Variants in GRM1 observed in about 807,000 individuals in gnomAD.
GRM1 encodes glutamate metabotropic receptor 1, also known as metabotropic glutamate receptor 1.
GRM1 carries 33 observed loss-of-function variants against 90.9 expected under a neutral mutation model. The observed-to-expected ratio is 0.36, with a 90% CI of 0.28 to 0.49. GRM1 has a LOEUF of 0.49. Ranked by LOEUF, GRM1 falls within the 20% of genes least tolerant of loss-of-function variation. The pLI is 0.99. For synonymous variants in GRM1, 700 were observed against 613.2 expected, an observed-to-expected ratio of 1.14 and a Z score of -2.09; for missense variants, 1,190 against 1,534.3, an observed-to-expected ratio of 0.78 and a Z score of 3.75.
intron 1 of GRM1, among the ~76,000 whole-genome samples, chr6:146,102,525 A>G (rs951710092): frequency 6.6e-6 from 1 of 152,188 alleles, no homozygotes; most frequent in African/African-American, 2.4e-5. Context: ...AACTGTTTTT[A>G]TCATGCCAGC....
At position 146,106,243 on chromosome 6, in the gene GRM1, C is replaced by T. The variant is rs147188347; in HGVS notation, c.701-53105C>T. Among the ~76,000 whole-genome samples, 116 of 152,262 alleles carry T rather than the reference C, an allele frequency of 7.6e-4. 2 individuals are homozygous for T. Among genetic ancestry groups the T allele is most frequent in the Admixed American group, 6.1e-3 (93 of 15,296 alleles). ...TTCTCTTTAAATGCAACTCATAATA[C>T]AGGCTTAAATCCTGATATAGAAGGT... On this transcript the variant is annotated intron_variant, in intron 1 of 7. Transcript: ENST00000282753.
chr6:146,323,535 G>C (rs1784283263), intron 3 of GRM1, among the ~76,000 whole-genome samples: 1 of 152,088 alleles, frequency 6.6e-6, no homozygotes, highest in African/African-American at 2.4e-5. Flanking sequence ...CTCCCATTCT[G>C]TAGGTTGCCT....
intron 1 of GRM1, among the ~76,000 whole-genome samples, chr6:146,048,925 A>C (rs922621815): frequency 6.6e-6 from 1 of 151,918 alleles, no homozygotes; most frequent in African/African-American, 2.4e-5. Flanking sequence ...TGAGAGAATA[A>C]ATTTTTGTTG....
At chr6:146,270,912 T>TCTTTCTTCCTTCCTTC (rs1782121052) in intron 2 of GRM1, among the ~76,000 whole-genome samples, 2 of 86,860 alleles carry the variant, frequency 2.3e-5, no homozygotes, top group African/African-American at 5.6e-5. Flanking sequence ...TTTCTTTCTT[T>TCTTTCTTCCTTCCTTC]CTTCCTTCCT....
chr6:146,409,581 T>G (rs914159570), intron 7 of GRM1, among the ~76,000 whole-genome samples: 2 of 152,240 alleles, frequency 1.3e-5, no homozygotes, highest in Non-Finnish European at 2.9e-5. Context: ...TTGTTTTGCT[T>G]TGCTTTGTCT....
rs927725513 is a variant in GRM1 at position 146,257,308 on chromosome 6, A to C, written c.951-47303A>C. Among the ~76,000 whole-genome samples the C allele has an allele frequency of 2.0e-5, 3 of 152,238 alleles. No individual in the cohort carries two copies. The East Asian group carries it at 5.8e-4, about 29-fold the overall frequency. On this transcript the variant is annotated intron_variant, in intron 2 of 7. Coordinates refer to ENST00000282753, the MANE Select transcript of GRM1 (RefSeq NM_001278064.2). The stretch of plus-strand genomic sequence containing the variant: ...ACAGGAAATACAGCCTCTTGTTTTT[A>C]AGCCCCATAGTGGCTGTGTAGCATT...
intron 2 of GRM1, among the ~76,000 whole-genome samples, chr6:146,294,092 T>C (rs960726369): frequency 6.6e-6 from 1 of 151,722 alleles, no homozygotes. Flanking sequence ...ATTACATCTT[T>C]CCCCCAATTT....
chr6:146,270,908 T>TTCCTTCCTTCCTTC (rs1782118957), intron 2 of GRM1, among the ~76,000 whole-genome samples: 2 of 104,392 alleles, frequency 1.9e-5, no homozygotes, highest in African/African-American at 9.8e-5. Flanking sequence ...TTTCTTTCTT[T>TTCCTTCCTTCCTTC]CTTTCTTCCT....
chr6:146,053,024 A>T (rs1247213218), intron 1 of GRM1, among the ~76,000 whole-genome samples: 1 of 152,016 alleles, frequency 6.6e-6, no homozygotes, highest in Non-Finnish European at 1.5e-5. Context: ...GACATTGCTA[A>T]TTGACCTACG....
intron 2 of GRM1, among the ~76,000 whole-genome samples, chr6:146,270,849 T>TTTCTTTC (rs1782095570): frequency 1.1e-5 from 1 of 91,690 alleles, no homozygotes; most frequent in African/African-American, 4.7e-5. Context: ...CTTTCTTTCT[T>TTTCTTTC]TTTCTTTCTT....
chr6:146,410,907 AC>A (rs1306159872), intron 7 of GRM1, among the ~76,000 whole-genome samples: 19 of 152,316 alleles, frequency 1.2e-4, no homozygotes, highest in African/African-American at 4.6e-4. Flanking sequence ...GTATAAAATC[AC>A]TTTTGCTAGG....
chr6:146,224,221 T>C (rs1189732358), intron 2 of GRM1, among the ~76,000 whole-genome samples: 2 of 152,134 alleles, frequency 1.3e-5, no homozygotes, highest in Non-Finnish European at 2.9e-5. Context: ...TCAGAAAATA[T>C]CCATTAAATA....
At chr6:146,393,907 C>T (rs1219543438) in intron 6 of GRM1, among the ~76,000 whole-genome samples, 1 of 152,006 alleles carries the variant, frequency 6.6e-6, no homozygotes, top group Admixed American at 6.6e-5. Flanking sequence ...GGTACTGGTA[C>T]CAAGCAGATA....
At chr6:146,367,575 A>C (rs1235248673) in intron 5 of GRM1, among the ~76,000 whole-genome samples, 1 of 152,026 alleles carries the variant, frequency 6.6e-6, no homozygotes, top group African/African-American at 2.4e-5. Context: ...CATGGCCCCC[A>C]TAGTAGTAGT....
At chr6:146,250,389 T>C (rs1446700171) in intron 2 of GRM1, among the ~76,000 whole-genome samples, 1 of 152,126 alleles carries the variant, frequency 6.6e-6, no homozygotes, top group Admixed American at 6.5e-5. Context: ...ATGGGGACAG[T>C]TTCTCCCATG....
upstream of GRM1, chr6:146,027,840 C>T (rs1022667335): frequency 6.6e-6 from 1 of 152,394 alleles, no homozygotes; most frequent in African/African-American, 2.4e-5. Flanking sequence ...TGAGCGGACA[C>T]TTCCTCCGGT....
rs1026399295 is a variant in GRM1 at position 146,095,918 on chromosome 6, T to G, written c.701-63430T>G. On this transcript the variant is annotated intron_variant, in intron 1 of 7. Transcript: ENST00000282753. ...CATCTCCAGTGATGGTTAACTTGAC[T>G]CCTCTAGAGGCAGTCTTTTCCATTT... Among the ~76,000 whole-genome samples, 5 of 152,296 alleles carry G rather than the reference T, an allele frequency of 3.3e-5. No homozygotes were observed. The East Asian group carries it at 7.7e-4, about 24-fold the overall frequency.
At chr6:146,409,428 G>A (rs1777479084) in intron 7 of GRM1, among the ~76,000 whole-genome samples, 1 of 152,100 alleles carries the variant, frequency 6.6e-6, no homozygotes. Flanking sequence ...AAAGTTTGAG[G>A]TGTAGAGTCA....
chr6:146,261,319 G>T (rs2114792815), intron 2 of GRM1, among the ~76,000 whole-genome samples: 1 of 152,228 alleles, frequency 6.6e-6, no homozygotes, highest in South Asian at 2.1e-4. Flanking sequence ...TAAATGAGTA[G>T]GAAAGGAGGG....
Sources: allele counts gnomAD v4.1 joint callset (sites outside exome capture counted in the v4.1 genomes callset), GRCh38; gene constraint gnomAD v4.1.1; transcripts MANE v1.5; gene names NCBI Gene and HGNC (gene_info 2026-07-23, HGNC 2026-07-21).